SBF2: variants seen among roughly 807,000 people sequenced by gnomAD.
SBF2 encodes SET binding factor 2.
A neutral mutation model predicts 225.2 loss-of-function variants in SBF2; 112 were observed. That is an observed-to-expected ratio of 0.50 (90% CI 0.43 to 0.58). The LOEUF (loss-of-function observed/expected upper bound fraction) is 0.58, where lower values mean the gene tolerates loss of function less well. Among genes scored for constraint, SBF2 ranks in the 20% least tolerant of loss-of-function variants. The pLI is 0.00. For synonymous variants in SBF2, 763 were observed against 773.3 expected, an observed-to-expected ratio of 0.99 and a Z score of 0.22; for missense variants, 1,996 against 2,206.2, an observed-to-expected ratio of 0.90 and a Z score of 1.91.
chr11:10,294,015 C>T lies in SBF2; in HGVS notation c.55G>A (p.Gly19Arg). The T allele has an allele frequency of 7.1e-7, 1 of 1,400,774 alleles. No individual in the cohort carries two copies. The highest frequency in any genetic ancestry group is 9.3e-7 in the Non-Finnish European group (1 of 1,071,290). The allele number at this position is 1,400,774 out of a possible 1,614,324, so 86.8% of individuals were successfully genotyped here. Residue 19 changes from glycine to arginine, a missense_variant and splice_region_variant, in exon 1 of 40, where the codon GGA becomes AGA. Coordinates refer to ENST00000256190, the MANE Select transcript of SBF2 (RefSeq NM_030962.4). ...IVVGYDHEKP[G>R]SGEGLGKIIQ... ...GGGCGGTGCCGCCCCACACCCTTAC[C>T]TGGCTTCTCGTGGTCATAGCCTACC...
chr11:10,021,092 T>C (rs1378008516), intron 6 of SBF2, among the ~76,000 whole-genome samples: 2 of 152,142 alleles, frequency 1.3e-5, no homozygotes, highest in African/African-American at 2.4e-5. Flanking sequence ...AAACAAAGTG[T>C]TGATAGCTGA....
At chr11:10,119,029 T>C (rs149175966) in intron 2 of SBF2, among the ~76,000 whole-genome samples, 1 of 152,150 alleles carries the variant, frequency 6.6e-6, no homozygotes, top group Non-Finnish European at 1.5e-5. Flanking sequence ...TCCAAGTTCA[T>C]ATCCTGCCAG....
chr11:9,881,467 CAG>C (rs906166395), intron 17 of SBF2, among the ~76,000 whole-genome samples: 4 of 152,036 alleles, frequency 2.6e-5, no homozygotes, highest in African/African-American at 9.7e-5. Flanking sequence ...CTCATAACTA[CAG>C]AGAGAGTTAA....
At position 9,856,664 on chromosome 11, in the gene SBF2, C is replaced by G; in HGVS notation, c.2157G>C (p.Glu719Asp). The stretch of plus-strand genomic sequence containing the variant: ...TCAGGGTAGGCCAAAGGCGTAGTTG[C>G]TCAGCTGCCAGGTCCATTGCTGTCT... ...QEKTAMDLAA[E>D]QLRLWPTLSK... Residue 719 changes from glutamate (E) to aspartate (D), a missense_variant, in exon 19 of 40, where the codon GAG becomes GAC. By Grantham distance (45) the Glu-to-Asp change is conservative. Coordinates refer to ENST00000256190, the MANE Select transcript of SBF2 (RefSeq NM_030962.4). The G allele has an allele frequency of 1.2e-6, 2 of 1,614,158 alleles. No individual in the cohort carries two copies. Among genetic ancestry groups the G allele is most frequent in the Non-Finnish European group, 1.7e-6 (2 of 1,180,032 alleles).
At chr11:10,247,430 C>T (rs1959909871) in intron 1 of SBF2, among the ~76,000 whole-genome samples, 1 of 151,366 alleles carries the variant, frequency 6.6e-6, no homozygotes, top group Non-Finnish European at 1.5e-5. Flanking sequence ...CCTGTAATGC[C>T]AGCATTTTGG....
intron 2 of SBF2, among the ~76,000 whole-genome samples, chr11:10,184,067 A>T (rs1289964073): frequency 6.6e-6 from 1 of 152,244 alleles, no homozygotes; most frequent in African/African-American, 2.4e-5. Context: ...TATACATTGC[A>T]TACATGTACT....
chr11:10,160,103 T>C (rs1261192133), intron 2 of SBF2, among the ~76,000 whole-genome samples: 1 of 152,054 alleles, frequency 6.6e-6, no homozygotes, highest in East Asian at 1.9e-4. Flanking sequence ...ACACTCAAAA[T>C]GTAAAAGAAG....
In SBF2 at chr11:9,958,628, G is replaced by A. The variant is rs1185655379; in HGVS notation, c.1860+3329C>T. The A allele has an allele frequency of 1.6e-5, 4 of 245,286 alleles. No homozygotes were observed. The Admixed American group carries it at 1.8e-4, about 11-fold the overall frequency. 15.2% of individuals were successfully genotyped at this position (245,286 alleles called of 1,614,324 possible). A position where few individuals can be genotyped will look rare whatever the true frequency, so the allele number is the denominator to read the frequency against. ...CCGCCTCGGCCTCCCAAAGTGCTGG[G>A]ATTACAGGCGTGAGCATCCTTTCAG... is the stretch of plus-strand genomic sequence containing the variant. On this transcript the variant is annotated intron_variant, in intron 16 of 39. Transcript: ENST00000256190.
At chr11:9,867,268 C>A (rs1858305832) in intron 17 of SBF2, among the ~76,000 whole-genome samples, 1 of 151,964 alleles carries the variant, frequency 6.6e-6, no homozygotes, top group Non-Finnish European at 1.5e-5. Context: ...ACTATGTACC[C>A]ACAAAAATTA....
In SBF2 at chr11:10,029,834, C is replaced by A. The variant is rs1238938294; in HGVS notation, c.444G>T (p.Leu148=). 3 of 1,613,932 alleles carry A rather than the reference C, an allele frequency of 1.9e-6. No homozygotes were observed. Among genetic ancestry groups the A allele is most frequent in the Non-Finnish European group, 2.5e-6 (3 of 1,179,848 alleles). ...CAATTAGACTTTCCAAGGAGACATT[C>A]AGGCTGTCCACATACACGGTATAGA... ...GLIYTVYVDS[L]NVSLESLIAN... is the part of the protein sequence containing the mutation. Residue 148 remains leucine, a synonymous_variant, in exon 5 of 40, where the codon CTG becomes CTT. Coordinates refer to ENST00000256190, the MANE Select transcript of SBF2 (RefSeq NM_030962.4).
intron 2 of SBF2, among the ~76,000 whole-genome samples, chr11:10,188,429 G>A (rs537857863): frequency 5.8e-4 from 89 of 152,264 alleles, no homozygotes; most frequent in African/African-American, 2.1e-3. Context: ...TCTTCCTCAG[G>A]AAGTTCTCTT....
At chr11:10,167,755 T>C (rs188854256) in intron 2 of SBF2, among the ~76,000 whole-genome samples, 24 of 152,342 alleles carry the variant, frequency 1.6e-4, no homozygotes, top group Non-Finnish European at 2.8e-4. Flanking sequence ...CGGTGGCTCA[T>C]GCCTGTAATC....
chr11:10,088,309 G>A (rs1346569430), intron 2 of SBF2, among the ~76,000 whole-genome samples: 1 of 152,156 alleles, frequency 6.6e-6, no homozygotes, highest in African/African-American at 2.4e-5. Context: ...ACAGTCATGT[G>A]CCACCATGCC....
chr11:9,985,007 A>G (rs948075771), intron 13 of SBF2, among the ~76,000 whole-genome samples: 2 of 152,250 alleles, frequency 1.3e-5, no homozygotes, highest in African/African-American at 2.4e-5. Context: ...CGGGACCTAC[A>G]AAACAAAAAT....
At chr11:10,070,208 G>A (rs912848893) in intron 2 of SBF2, among the ~76,000 whole-genome samples, 6 of 152,206 alleles carry the variant, frequency 3.9e-5, no homozygotes, top group Admixed American at 3.3e-4. Flanking sequence ...TGCTTTTGGT[G>A]TTTTAGCCAT....
chr11:10,133,611 C>T (rs1307318633), intron 2 of SBF2, among the ~76,000 whole-genome samples: 2 of 144,178 alleles, frequency 1.4e-5, no homozygotes, highest in Non-Finnish European at 3.1e-5. Context: ...GCGGGGCCCA[C>T]CAAGCCCACG....
At chr11:10,291,498 A>T (rs1964154276) in intron 1 of SBF2, among the ~76,000 whole-genome samples, 1 of 152,224 alleles carries the variant, frequency 6.6e-6, no homozygotes, top group Non-Finnish European at 1.5e-5. Context: ...TAAGGCAAAT[A>T]GTAACAGAAT....
intron 1 of SBF2, among the ~76,000 whole-genome samples, chr11:10,236,713 C>T (rs746174458): frequency 6.6e-6 from 1 of 152,144 alleles, no homozygotes; most frequent in African/African-American, 2.4e-5. Context: ...CCACCCGCCT[C>T]GGCCTCCCAA....
intron 1 of SBF2, among the ~76,000 whole-genome samples, chr11:10,198,472 C>G (rs1339903290): frequency 6.6e-6 from 1 of 152,204 alleles, no homozygotes; most frequent in Non-Finnish European, 1.5e-5. Context: ...GTCCCATTTA[C>G]AGAGCACAGA....
Sources: gnomAD v4.1 joint callset for allele counts (sites outside exome capture counted in the v4.1 genomes callset) on GRCh38, gnomAD v4.1.1 for gene constraint, MANE v1.5 for transcripts, NCBI Gene and HGNC (gene_info 2026-07-23, HGNC 2026-07-21) for gene names.